Variants in MOCOS observed in about 807,000 individuals in gnomAD.
MOCOS encodes human molybdenum cofactor sulfurase.
Under a neutral mutation model 83.6 loss-of-function variants are expected in MOCOS, and 86 were observed. The ratio of observed to expected loss-of-function variants is 1.03; its 90% CI spans 0.86 to 1.23. The LOEUF (loss-of-function observed/expected upper bound fraction) is 1.23. MOCOS is among the 50% of genes most tolerant of loss of function. MOCOS has a pLI of 0.00. For missense variants in MOCOS, 1,120 were observed against 1,126.9 expected (o/e 0.99, Z 0.09); for synonymous variants, 445 against 434.7 (o/e 1.02, Z -0.29).
chr18:36,214,606 G>A (rs2091468770), intron 7 of MOCOS, among the ~76,000 whole-genome samples: 4 of 152,112 alleles, frequency 2.6e-5, no homozygotes, highest in Admixed American at 6.5e-5. Flanking sequence ...GGCAAAGAGT[G>A]TTTATTGATT....
At chr18:36,265,910 T>C (rs1405276064) in intron 13 of MOCOS, among the ~76,000 whole-genome samples, 2 of 152,232 alleles carry the variant, frequency 1.3e-5, no homozygotes, top group Admixed American at 6.5e-5. Flanking sequence ...ATCATATATA[T>C]GTAGCATGGT....
intron 1 of MOCOS, 94 bp downstream of exon 1, chr18:36,187,775 G>C (rs1045966082): frequency 3.7e-5 from 45 of 1,220,256 alleles, no homozygotes; most frequent in Middle Eastern, 2.2e-4. Flanking sequence ...TACCTCATTC[G>C]GGCGCATTTT....
rs191422765 is a variant in MOCOS at position 36,247,991 on chromosome 18, C to T, written c.1961-931C>T. Among the ~76,000 whole-genome samples the T allele has an allele frequency of 3.2e-3, 484 of 152,178 alleles. 2 individuals carry two copies. Among genetic ancestry groups the T allele is most frequent in the African/African-American group, 0.011 (445 of 41,502 alleles). ...CCAGAAGTGGGATTGCTGGATCATA[C>T]GGTATTTTTATTTTTAGTTTTCTGA... is the stretch of plus-strand genomic sequence containing the variant. On this transcript the variant is annotated intron_variant, in intron 9 of 14. Transcript: ENST00000261326.
intron 9 of MOCOS, among the ~76,000 whole-genome samples, chr18:36,233,496 A>C (rs1249522064): frequency 6.6e-6 from 1 of 152,198 alleles, no homozygotes; most frequent in Non-Finnish European, 1.5e-5. Context: ...TGCTATAAAC[A>C]TATGTGCACA....
Position 36,260,074 on chromosome 18 carries a change from G to T in MOCOS, c.2308G>T (p.Asp770Tyr). Residue 770 changes from aspartate (D) to tyrosine (Y), a missense_variant, in exon 13 of 15, where the codon GAT (aspartate) becomes TAT (tyrosine). By Grantham distance (160) the Asp-to-Tyr change is radical. Coordinates refer to ENST00000261326, the MANE Select transcript of MOCOS (RefSeq NM_017947.4). ...AAAGGAGGAATTATTCTCACTGAAG[G>T]ATCTCAGCTTGCGTTTTCGTGCCAA... The part of the protein sequence containing the change: ...NGKEELFSLK[D>Y]LSLRFRANII... 1 of 1,614,206 alleles carries T rather than the reference G, an allele frequency of 6.2e-7. No homozygotes were observed. The highest frequency in any genetic ancestry group is 1.3e-5 in the African/African-American group (1 of 75,056).
chr18:36,220,665 C>T (rs545007890), intron 9 of MOCOS, among the ~76,000 whole-genome samples: 34 of 152,256 alleles, frequency 2.2e-4, no homozygotes, highest in Non-Finnish European at 3.2e-4. Context: ...CGGTGGCTCA[C>T]GCTTGTAATC....
At position 36,268,606 on chromosome 18, in the gene MOCOS, A is replaced by G. The variant is rs1283819335; in HGVS notation, c.2588A>G (p.Gln863Arg). ...SSPCFLSVGS[Q>R]VLPVLKENVE... ...CCATGTTTCCTGTCTGTAGGATCTC[A>G]GGTGCTCCCTGTGTTGAAAGAGAAT... Residue 863 changes from glutamine to arginine, a missense_variant, in exon 15 of 15, where the codon CAG becomes CGG. Transcript: ENST00000261326. 3 of 1,613,960 alleles carry G rather than the reference A, an allele frequency of 1.9e-6. No individual in the cohort carries two copies. Among genetic ancestry groups the G allele is most frequent in the Non-Finnish European group, 2.5e-6 (3 of 1,180,002 alleles).
intron 7 of MOCOS, 128 bp from the exon 8 acceptor site, chr18:36,215,388 A>G (rs975611936): frequency 4.6e-6 from 4 of 863,462 alleles, no homozygotes; most frequent in Admixed American, 4.0e-5. Context: ...CGCACAGCAC[A>G]TATTAATGTT....
intron 13 of MOCOS, among the ~76,000 whole-genome samples, chr18:36,263,200 C>G (rs73432662): frequency 0.017 from 2,652 of 152,264 alleles, 93 homozygotes; most frequent in African/African-American, 0.06. Context: ...TTTTGGAAAA[C>G]AATTTTTTAC....
At chr18:36,249,098 T>C in intron 10 of MOCOS, 98 bp downstream of exon 10, 1 of 1,036,058 alleles carries the variant, frequency 9.7e-7, no homozygotes, top group Non-Finnish European at 1.5e-6. Context: ...TTTGCTACCC[T>C]TCAGTCCAGT....
chr18:36,259,467 G>A (rs1419167716), intron 12 of MOCOS, among the ~76,000 whole-genome samples: 6 of 123,848 alleles, frequency 4.8e-5, no homozygotes, highest in African/African-American at 8.9e-5. Flanking sequence ...AAAAAAAAAA[G>A]GTATCAGAAA....
At chr18:36,258,268 C>G (rs1403328985) in intron 12 of MOCOS, among the ~76,000 whole-genome samples, 2 of 152,134 alleles carry the variant, frequency 1.3e-5, no homozygotes, top group East Asian at 3.9e-4. Flanking sequence ...AAGAGCAGAG[C>G]TAGGGTCCCC....
At chr18:36,238,345 G>A (rs796180932) in intron 9 of MOCOS, among the ~76,000 whole-genome samples, 8 of 149,120 alleles carry the variant, frequency 5.4e-5, no homozygotes, top group East Asian at 3.9e-4. Context: ...CTTTGTTCTC[G>A]TTGGTTTCAA....
At chr18:36,210,558 A>G (rs2091450887) in intron 6 of MOCOS, among the ~76,000 whole-genome samples, 2 of 152,236 alleles carry the variant, frequency 1.3e-5, no homozygotes, top group East Asian at 3.9e-4. Context: ...TCTTGAATCA[A>G]AAGTAAATGT....
intron 9 of MOCOS, among the ~76,000 whole-genome samples, chr18:36,239,570 T>C (rs2091573236): frequency 6.7e-6 from 1 of 149,296 alleles, no homozygotes; most frequent in African/African-American, 2.5e-5. Context: ...CCTTAAAATT[T>C]TTTCCTTCAT....
intron 11 of MOCOS, among the ~76,000 whole-genome samples, chr18:36,251,840 T>A (rs2091623434): frequency 6.6e-6 from 1 of 152,156 alleles, no homozygotes; most frequent in Non-Finnish European, 1.5e-5. Context: ...GCAGAAAAGA[T>A]CATTTTCATG....
chr18:36,203,065 A>G (rs1398209036), intron 4 of MOCOS, 48 bp from the exon 5 acceptor site: 2 of 1,551,834 alleles, frequency 1.3e-6, no homozygotes, highest in Middle Eastern at 1.7e-4. Context: ...ATGCACATGG[A>G]TTGTTTTGAC....
intron 1 of MOCOS, among the ~76,000 whole-genome samples, chr18:36,188,286 C>T (rs1049675172): frequency 2.0e-5 from 3 of 152,268 alleles, no homozygotes; most frequent in Non-Finnish European, 4.4e-5. Flanking sequence ...CTCCAGTTCT[C>T]TGGGGGACTA....
Position 36,187,603 on chromosome 18 carries a change from A to G in MOCOS, c.64A>G (p.Ser22Gly). ...LWTFAGSRDPSAPRLAYGYGP... is the reference protein window; with the variant it reads ...LWTFAGSRDPGAPRLAYGYGP... ...GACCTTCGCGGGTTCCCGGGACCCGAGCGCACCGCGGCTAGCCTACGGCTA... is the reference window on the plus strand; with the variant it reads ...GACCTTCGCGGGTTCCCGGGACCCGGGCGCACCGCGGCTAGCCTACGGCTA... The change falls in exon 1 of 15, where the codon AGC (serine) becomes GGC (glycine). Residue 22 changes from serine to glycine, a missense_variant. Transcript: ENST00000261326. 5 of 1,248,932 alleles carry G rather than the reference A, an allele frequency of 4.0e-6. No individual in the cohort carries two copies. The highest frequency in any genetic ancestry group is 5.0e-6 in the Non-Finnish European group (5 of 996,320). 77.4% of individuals were successfully genotyped at this position (1,248,932 alleles called of 1,614,324 possible). A position where few individuals can be genotyped will look rare whatever the true frequency, so the allele number is the denominator to read the frequency against.
Sources: allele counts gnomAD v4.1 joint callset (sites outside exome capture counted in the v4.1 genomes callset), GRCh38; gene constraint gnomAD v4.1.1; transcripts MANE v1.5; gene names NCBI Gene and HGNC (gene_info 2026-07-23, HGNC 2026-07-21).